Variants in PAPPA2 observed in about 807,000 individuals in gnomAD.
The protein encoded by PAPPA2 is pappalysin-2.
Under a neutral mutation model 176.4 loss-of-function variants are expected in PAPPA2, and 86 were observed. The observed-to-expected ratio is 0.49, with a 90% CI of 0.41 to 0.58. The LOEUF (loss-of-function observed/expected upper bound fraction) is 0.58. Among genes scored for constraint, PAPPA2 ranks in the 20% least tolerant of loss-of-function variants. The pLI is 0.00. For synonymous variants in PAPPA2, 809 were observed against 852.2 expected, an observed-to-expected ratio of 0.95 and a Z score of 0.88; for missense variants, 2,073 against 2,256.9, an observed-to-expected ratio of 0.92 and a Z score of 1.65.
chr1:176,668,998 A>G (rs1658831976), intron 3 of PAPPA2, among the ~76,000 whole-genome samples: 1 of 152,122 alleles, frequency 6.6e-6, no homozygotes, highest in African/African-American at 2.4e-5. Flanking sequence ...CTCAAGATAA[A>G]TTAGTGGAAC....
At chr1:176,793,709 C>A in intron 20 of PAPPA2, 40 bp downstream of exon 20, 2 of 1,461,666 alleles carry the variant, frequency 1.4e-6, no homozygotes, top group South Asian at 2.4e-5. Flanking sequence ...AGACATGAGT[C>A]TGCTGAGCAA....
intron 3 of PAPPA2, among the ~76,000 whole-genome samples, chr1:176,598,455 T>A (rs1360744080): frequency 2.0e-5 from 3 of 152,208 alleles, no homozygotes. Context: ...ATTGTATGTA[T>A]TATAGTATTA....
intron 4 of PAPPA2, among the ~76,000 whole-genome samples, chr1:176,686,165 G>A (rs762832348): frequency 7.9e-5 from 12 of 152,154 alleles, no homozygotes; most frequent in African/African-American, 1.7e-4. Context: ...GTATTAGTCC[G>A]TTCTCACGCT....
intron 21 of PAPPA2, among the ~76,000 whole-genome samples, chr1:176,810,407 G>A (rs1389327399): frequency 6.6e-6 from 1 of 152,070 alleles, no homozygotes; most frequent in Non-Finnish European, 1.5e-5. Context: ...GTCGGTGGGG[G>A]GAGTTTCAGG....
intron 4 of PAPPA2, among the ~76,000 whole-genome samples, chr1:176,678,178 T>C (rs1226759597): frequency 6.6e-6 from 1 of 152,168 alleles, no homozygotes; most frequent in Non-Finnish European, 1.5e-5. Flanking sequence ...AGCAGTGCTC[T>C]TCAAAATTAC....
intron 1 of PAPPA2, among the ~76,000 whole-genome samples, chr1:176,545,415 A>AAAATAAATAAAT (rs55993766): frequency 1.5e-3 from 214 of 146,346 alleles, no homozygotes; most frequent in African/African-American, 2.1e-3. Context: ...AACCTCAGAA[A>AAAATAAATAAAT]AAATAAATAA....
intron 2 of PAPPA2, 42 bp from the exon 3 acceptor site, chr1:176,594,482 T>G: frequency 6.6e-7 from 1 of 1,511,882 alleles, no homozygotes; most frequent in Non-Finnish European, 9.1e-7. Flanking sequence ...CCCCTTTGTA[T>G]CTGGTATCTG....
At chr1:176,693,914 A>G (rs1406146206) in intron 6 of PAPPA2, among the ~76,000 whole-genome samples, 3 of 152,168 alleles carry the variant, frequency 2.0e-5, no homozygotes, top group African/African-American at 4.8e-5. Flanking sequence ...TAAACAATTT[A>G]ATCTTTGAAT....
chr1:176,739,875 A>T, intron 13 of PAPPA2, 105 bp from the exon 14 acceptor site: 1 of 1,563,266 alleles, frequency 6.4e-7, no homozygotes, highest in Non-Finnish European at 8.7e-7. Context: ...TCATACATCT[A>T]GGTTTTGGCA....
At chr1:176,610,347 G>A (rs35747415) in intron 3 of PAPPA2, among the ~76,000 whole-genome samples, 2 of 133,392 alleles carry the variant, frequency 1.5e-5, no homozygotes, top group Admixed American at 7.7e-5. Context: ...TTGTGTGTGG[G>A]GGGGGGGAGT....
chr1:176,749,399 C>A (rs1300627503), intron 14 of PAPPA2, among the ~76,000 whole-genome samples: 3 of 152,208 alleles, frequency 2.0e-5, no homozygotes, highest in Non-Finnish European at 4.4e-5. Context: ...CAACATCCCC[C>A]ACCAGAGTGG....
At chr1:176,692,494 GGCTCT>G (rs1204329637) in intron 6 of PAPPA2, among the ~76,000 whole-genome samples, 176 bp downstream of exon 6, 7 of 152,314 alleles carry the variant, frequency 4.6e-5, no homozygotes, top group Non-Finnish European at 8.8e-5. Context: ...AGAACTCATG[GGCTCT>G]CTTGTGAGCC....
At chr1:176,746,538 C>G (rs561893451) in intron 14 of PAPPA2, among the ~76,000 whole-genome samples, 1 of 152,268 alleles carries the variant, frequency 6.6e-6, no homozygotes, top group African/African-American at 2.4e-5. Flanking sequence ...TCCCAAGTAG[C>G]AGGGACTACA....
At chr1:176,767,319 G>A (rs1664019977) in intron 15 of PAPPA2, among the ~76,000 whole-genome samples, 1 of 152,220 alleles carries the variant, frequency 6.6e-6, no homozygotes, top group Admixed American at 6.5e-5. Context: ...AGAAGCACCA[G>A]GCAATAGATG....
chr1:176,712,638 A>G (rs996012772), intron 12 of PAPPA2, among the ~76,000 whole-genome samples: 1 of 152,230 alleles, frequency 6.6e-6, no homozygotes, highest in Non-Finnish European at 1.5e-5. Flanking sequence ...ATGCTATTAC[A>G]AGTCATTCTG....
chr1:176,585,196 T>C (rs1370874496), intron 2 of PAPPA2, among the ~76,000 whole-genome samples: 2 of 152,220 alleles, frequency 1.3e-5, no homozygotes, highest in Admixed American at 1.3e-4. Context: ...TCCCCAGGTT[T>C]CTGGTTATCT....
chr1:176,626,590 A>C (rs1282891953), intron 3 of PAPPA2, among the ~76,000 whole-genome samples: 1 of 152,254 alleles, frequency 6.6e-6, no homozygotes, highest in African/African-American at 2.4e-5. Context: ...CATAGTAGTC[A>C]TTTAAAATGA....
intron 3 of PAPPA2, among the ~76,000 whole-genome samples, chr1:176,629,684 A>G (rs1656234263): frequency 6.6e-6 from 1 of 152,186 alleles, no homozygotes; most frequent in Non-Finnish European, 1.5e-5. Flanking sequence ...GTTTTCATTC[A>G]TATATTCACC....
At chr1:176,803,621 A>G (rs1249656698) in intron 21 of PAPPA2, among the ~76,000 whole-genome samples, 1 of 152,094 alleles carries the variant, frequency 6.6e-6, no homozygotes, top group Non-Finnish European at 1.5e-5. Flanking sequence ...ACTGGTTGGG[A>G]CCTCAACATT....
Sources: allele counts gnomAD v4.1 joint callset (sites outside exome capture counted in the v4.1 genomes callset), GRCh38; gene constraint gnomAD v4.1.1; transcripts MANE v1.5; gene names NCBI Gene and HGNC (gene_info 2026-07-23, HGNC 2026-07-21).